The following NCAM1 variants were observed in gnomAD, a reference collection of about 807,000 sequenced individuals.
NCAM1 encodes the protein antigen recognized by monoclonal antibody 5.1H11.
In NCAM1, 14 loss-of-function variants were observed where a neutral mutation model predicts 109.8. That is an observed-to-expected ratio of 0.13 (90% CI 0.08 to 0.20). NCAM1 has a LOEUF of 0.20. Ranked by LOEUF, NCAM1 falls within the 10% of genes least tolerant of loss-of-function variation. The pLI is 1.00. For synonymous variants in NCAM1, 418 were observed against 442.9 expected, an observed-to-expected ratio of 0.94 and a Z score of 0.70; for missense variants, 774 against 1,109.9, an observed-to-expected ratio of 0.70 and a Z score of 4.30.
intron 14 of NCAM1, among the ~76,000 whole-genome samples, chr11:113,238,283 C>A (rs1373735737): frequency 1.3e-5 from 2 of 152,146 alleles, no homozygotes; most frequent in African/African-American, 2.4e-5. Context: ...AATCAAAAGG[C>A]AAACTTCTTT....
intron 8 of NCAM1, among the ~76,000 whole-genome samples, chr11:113,220,677 G>A (rs528897674): frequency 4.8e-4 from 65 of 135,408 alleles, no homozygotes; most frequent in Non-Finnish European, 8.5e-4. Flanking sequence ...GTGCGATCTC[G>A]CTCACTGCAA....
At chr11:113,202,894 A>G (rs954637593) in intron 2 of NCAM1, among the ~76,000 whole-genome samples, 2 of 152,204 alleles carry the variant, frequency 1.3e-5, no homozygotes, top group African/African-American at 2.4e-5. Flanking sequence ...ACTTGCCTGT[A>G]GGTAAATAGA....
intron 14 of NCAM1, chr11:113,240,760 C>G (rs782738695): frequency 6.2e-7 from 1 of 1,609,956 alleles, no homozygotes; most frequent in South Asian, 1.1e-5. Flanking sequence ...GATCTTTTTT[C>G]CCCACCTTCA....
rs2136952757 is a variant in NCAM1 at position 113,207,918 on chromosome 11, G to C, written c.832G>C (p.Asp278His). 6.2e-7 allele frequency: 1 copy of C among 1,612,664 alleles called. No individual in the cohort carries two copies. Among genetic ancestry groups the C allele is most frequent in the East Asian group, 2.2e-5 (1 of 44,852 alleles). The change falls in exon 7 of 20, where the codon GAT becomes CAT. Residue 278 changes from aspartate to histidine, a missense_variant. Around this residue, in one of 4 missense-constraint regions of NCAM1, gnomAD observed 523 missense variants for 784.2 expected, o/e 0.67. Transcript: ENST00000316851. ...TTCCCAGCTGACCATCAAAAAGGTGGATAAGAACGACGAGGCTGAGTACAT... is the reference window on the plus strand; with the variant it reads ...TTCCCAGCTGACCATCAAAAAGGTGCATAAGAACGACGAGGCTGAGTACAT... ...DSSQLTIKKVDKNDEAEYICI... is the reference protein window; with the variant it reads ...DSSQLTIKKVHKNDEAEYICI...
intron 1 of NCAM1, among the ~76,000 whole-genome samples, chr11:113,125,445 G>A (rs540651147): frequency 2.6e-5 from 4 of 152,320 alleles, no homozygotes; most frequent in Admixed American, 2.6e-4. Context: ...TTAATGAACA[G>A]GATTAAGTTG....
At chr11:113,056,866 G>A (rs1489060817) in intron 1 of NCAM1, among the ~76,000 whole-genome samples, 1 of 151,952 alleles carries the variant, frequency 6.6e-6, no homozygotes, top group Non-Finnish European at 1.5e-5. Flanking sequence ...TTGTAATATT[G>A]TTGCACAGCG....
chr11:113,078,630 T>C (rs1565422859), intron 1 of NCAM1, among the ~76,000 whole-genome samples: 1 of 152,178 alleles, frequency 6.6e-6, no homozygotes, highest in Non-Finnish European at 1.5e-5. Context: ...CTCTGTCTTA[T>C]CTGCCTCATT....
intron 1 of NCAM1, among the ~76,000 whole-genome samples, chr11:113,138,088 A>C: frequency 6.6e-6 from 1 of 152,214 alleles, no homozygotes; most frequent in East Asian, 1.9e-4. Flanking sequence ...ATGGGTGATT[A>C]CAGCAGAGAG....
chr11:112,990,998 G>C (rs1015709571), intron 1 of NCAM1, among the ~76,000 whole-genome samples: 5 of 152,260 alleles, frequency 3.3e-5, no homozygotes, highest in Admixed American at 2.0e-4. Context: ...TATTGTTACT[G>C]TTGGGAGCTA....
chr11:113,140,720 T>C (rs186210566), intron 1 of NCAM1, among the ~76,000 whole-genome samples: 2 of 152,330 alleles, frequency 1.3e-5, no homozygotes, highest in Admixed American at 1.3e-4. Context: ...CTCCAAATGG[T>C]TTTGATTGAT....
In NCAM1 at chr11:113,224,367, C is replaced by T. The variant is rs573360301; in HGVS notation, c.1089+3042C>T. Among the ~76,000 whole-genome samples, 617 of 152,314 alleles carry T rather than the reference C, an allele frequency of 4.1e-3. 2 individuals are homozygous for T. The highest frequency in any genetic ancestry group is 0.014 in the African/African-American group (581 of 41,568). On this transcript the variant is annotated intron_variant, in intron 9 of 19. Coordinates refer to ENST00000316851, the MANE Select transcript of NCAM1 (RefSeq NM_181351.5). The stretch of plus-strand genomic sequence containing the variant: ...AGCAGTCTGAGATCAAACTGCAAGG[C>T]GGCAGCAAGGCTGGGGGAGGGGCGC...
chr11:113,073,206 A>G (rs1938368082), intron 1 of NCAM1, among the ~76,000 whole-genome samples: 1 of 152,190 alleles, frequency 6.6e-6, no homozygotes, highest in South Asian at 2.1e-4. Context: ...ATATTCCATT[A>G]AATGTATAGG....
chr11:113,167,525 GTTTT>G (rs782039239), intron 1 of NCAM1, among the ~76,000 whole-genome samples: 1 of 121,912 alleles, frequency 8.2e-6, no homozygotes, highest in Non-Finnish European at 1.8e-5. Context: ...GCAGAAACGT[GTTTT>G]TTTTTTTTTT....
intron 1 of NCAM1, among the ~76,000 whole-genome samples, chr11:113,189,994 T>G (rs539783572): frequency 6.6e-6 from 1 of 152,204 alleles, no homozygotes. Flanking sequence ...GACAGGAGCA[T>G]AATTAGCACA....
At chr11:113,248,617 G>A (rs781795516) in intron 15 of NCAM1, among the ~76,000 whole-genome samples, 12 of 152,112 alleles carry the variant, frequency 7.9e-5, no homozygotes, top group Non-Finnish European at 1.5e-4. Context: ...GACATCTGAT[G>A]TTCCCTGTCC....
chr11:113,080,006 CA>C (rs1189803967), intron 1 of NCAM1, among the ~76,000 whole-genome samples: 3 of 152,178 alleles, frequency 2.0e-5, no homozygotes, highest in African/African-American at 7.2e-5. Flanking sequence ...AATTTAGCTA[CA>C]AAGTCTTCCA....
chr11:113,055,539 T>C (rs1266843124), intron 1 of NCAM1, among the ~76,000 whole-genome samples: 1 of 152,172 alleles, frequency 6.6e-6, no homozygotes, highest in Non-Finnish European at 1.5e-5. Flanking sequence ...TATTCCTTTT[T>C]CCCTTAACAT....
chr11:113,202,541 TG>T lies in NCAM1; in HGVS notation c.127+90del, dbSNP rs369951427. ...GAGCCCTCAGGCCATGTGAGCTGGC[TG>T]GTCAAGCCACACCTAGAATTCTTGG... On this transcript the variant is annotated intron_variant, in intron 2 of 19. Coordinates refer to ENST00000316851, the MANE Select transcript of NCAM1 (RefSeq NM_181351.5). 3,807 of 1,180,284 alleles carry T rather than the reference TG, an allele frequency of 3.2e-3. 59 individuals carry two copies. The highest frequency in any genetic ancestry group is 0.026 in the South Asian group (1,633 of 63,900). 73.1% of individuals were successfully genotyped at this position (1,180,284 alleles called of 1,614,324 possible). A position where few individuals can be genotyped will look rare whatever the true frequency, so the allele number is the denominator to read the frequency against.
chr11:113,026,919 T>C (rs1952563376), intron 1 of NCAM1, among the ~76,000 whole-genome samples: 2 of 152,172 alleles, frequency 1.3e-5, no homozygotes, highest in African/African-American at 4.8e-5. Flanking sequence ...TCAGACCCAG[T>C]TCCCTCTCTT....
Sources: allele counts gnomAD v4.1 joint callset (sites outside exome capture counted in the v4.1 genomes callset), GRCh38; gene constraint gnomAD v4.1.1; regional missense constraint gnomAD v4.1.1; transcripts MANE v1.5; gene names NCBI Gene and HGNC (gene_info 2026-07-23, HGNC 2026-07-21).